The following ZNF106 variants were observed in gnomAD, a reference collection of about 807,000 sequenced individuals.
ZNF106 encodes the protein zinc finger protein 106.
ZNF106 carries 67 observed loss-of-function variants against 195.1 expected under a neutral mutation model. That is an observed-to-expected ratio of 0.34 (90% CI 0.28 to 0.42). ZNF106 has a LOEUF of 0.42. Ranked by LOEUF, ZNF106 falls within the 10% of genes least tolerant of loss-of-function variation. The pLI, the probability that ZNF106 is intolerant of heterozygous loss-of-function variation, is 1.00. For missense variants in ZNF106, 2,118 were observed against 2,304.5 expected (o/e 0.92, Z 1.66); for synonymous variants, 784 against 818.6 (o/e 0.96, Z 0.72).
Position 42,422,621 on chromosome 15 carries a change from C to T in ZNF106, c.5254-1G>A. The T allele has an allele frequency of 6.2e-7, 1 of 1,605,194 alleles. No homozygotes were observed. Among genetic ancestry groups the T allele is most frequent in the Non-Finnish European group, 8.5e-7 (1 of 1,177,334 alleles). On this transcript the variant is annotated splice_acceptor_variant, in intron 17 of 21. Coordinates refer to ENST00000564754, the MANE Select transcript of ZNF106 (RefSeq NM_001366845.3). LOFTEE classifies it high-confidence loss of function. ...TATAGATCCGCACGAGCTCACCAGTCTATGTCAGAAGAGAAGTAAGAGTCA... is the reference window on the plus strand; with the variant it reads ...TATAGATCCGCACGAGCTCACCAGTTTATGTCAGAAGAGAAGTAAGAGTCA...
chr15:42,439,553 C>G lies in ZNF106; in HGVS notation c.4024G>C (p.Glu1342Gln). ...TGGGGTTCCTTCTCCAAAGGGGTTT[C>G]TGAAGCAAAAGACAATCTTAGAAAA... is the stretch of plus-strand genomic sequence containing the variant. ...SSFLRLSFAS[E>Q]TPLEKEPHSP... The change falls in exon 11 of 22, where the codon GAA becomes CAA. Residue 1342 changes from glutamate to glutamine, a missense_variant. Physicochemically the swap from Glu to Gln is conservative, Grantham distance 29. Coordinates refer to ENST00000564754, the MANE Select transcript of ZNF106 (RefSeq NM_001366845.3). 5.0e-6 allele frequency: 8 copies of G among 1,614,192 alleles called. No homozygotes were observed. Among genetic ancestry groups the G allele is most frequent in the Non-Finnish European group, 5.9e-6 (7 of 1,180,040 alleles).
chr15:42,451,941 A>C lies in ZNF106; in HGVS notation c.331T>G (p.Ser111Ala), dbSNP rs767115056. Reference protein sequence around the residue: ...RKEQSRQDEPSNSNQEINSDD... With the variant: ...RKEQSRQDEPANSNQEINSDD... ...GAGTTTATTTCTTGGTTGCTATTGG[A>C]AGGTTCATCTTGTCTGGAAGAAAAA... The change falls in exon 5 of 22, where the codon TCC becomes GCC. Residue 111 changes from serine (S) to alanine (A), a missense_variant. By Grantham distance (99) the Ser-to-Ala change is moderately conservative (BLOSUM62 1). Transcript: ENST00000564754. 2.4e-5 allele frequency: 38 copies of C among 1,609,894 alleles called. No homozygotes were observed. Among genetic ancestry groups the C allele is most frequent in the Non-Finnish European group, 3.1e-5 (36 of 1,178,178 alleles).
Position 42,438,807 on chromosome 15 carries a change from A to C in ZNF106, c.4545-140T>G, listed in dbSNP as rs2055384078. ...TAAGAGATTAGATTTTCCATCTGAA[A>C]TTTCTTAATGAAGGGAAATAAAAGC... On this transcript the variant is annotated intron_variant, in intron 11 of 21. Transcript: ENST00000564754. The C allele has an allele frequency of 6.6e-6, 6 of 913,412 alleles. No individual in the cohort carries two copies. The Admixed American group carries it at 1.7e-4, about 27-fold the overall frequency. 56.6% of individuals were successfully genotyped at this position (913,412 alleles called of 1,614,324 possible).
Position 42,428,107 on chromosome 15 carries a change from G to A in ZNF106, c.4909C>T (p.Leu1637=). 6.2e-7 allele frequency: 1 copy of A among 1,614,050 alleles called. No individual in the cohort carries two copies. Among genetic ancestry groups the A allele is most frequent in the South Asian group, 1.1e-5 (1 of 91,080 alleles). Reference sequence around the variant, plus strand: ...TGGAGGCAGAGGACCCGGTCTTCCAGCTGTAACTGCTCCACACACTCTCGG... The same window carrying A: ...TGGAGGCAGAGGACCCGGTCTTCCAACTGTAACTGCTCCACACACTCTCGG... The part of the protein sequence containing the change: ...KSRECVEQLQ[L]EDRVLCLHSR... The change falls in exon 15 of 22, where the codon CTG becomes TTG. Residue 1637 remains leucine (L), a synonymous_variant. Transcript: ENST00000564754.
chr15:42,450,163 A>G lies in ZNF106; in HGVS notation c.2109T>C (p.Asp703=), dbSNP rs772124101. 2.0e-5 allele frequency: 32 copies of G among 1,614,110 alleles called. No homozygotes were observed. Among genetic ancestry groups the G allele is most frequent in the Non-Finnish European group, 2.6e-5 (31 of 1,180,044 alleles). Residue 703 remains aspartate, a synonymous_variant, in exon 5 of 22, where the codon GAT becomes GAC. Transcript: ENST00000564754. ...AAGATACATGAGATTTAATAGAGTC[A>G]TCAACCTGTGCATCTTCTAGAGAGG... ...LKTSLEDAQV[D]DSIKSHVSYE...
rs2054480987 is a variant in ZNF106 at position 42,416,997 on chromosome 15, A to G, written c.*307T>C. ...ATGATTAGGGTCAAACTGGGTAACC[A>G]ATTAGGATCTGTATCTTCAATAAAC... On this transcript the variant is annotated 3_prime_UTR_variant, in exon 22 of 22. Transcript: ENST00000564754. The G allele has an allele frequency of 4.1e-6, 1 of 244,844 alleles. No homozygotes were observed. Among genetic ancestry groups the G allele is most frequent in the Non-Finnish European group, 7.8e-6 (1 of 128,588 alleles). 15.2% of individuals were successfully genotyped at this position (244,844 alleles called of 1,614,324 possible).
At position 42,415,462 on chromosome 15, in the gene ZNF106, C is replaced by A. The variant is rs1210875327; in HGVS notation, c.*1842G>T. The A allele has an allele frequency of 1.1e-5, 5 of 454,624 alleles. No individual in the cohort carries two copies. Among genetic ancestry groups the A allele is most frequent in the Non-Finnish European group, 2.2e-5 (5 of 226,424 alleles). 28.2% of individuals were successfully genotyped at this position (454,624 alleles called of 1,614,324 possible). ...TGACATTTTTTGGATCAAGTAAGAA[C>A]CACTGGAGCCTTTCCTGGAAAAAAG... is the stretch of plus-strand genomic sequence containing the variant. On this transcript the variant is annotated 3_prime_UTR_variant, in exon 22 of 22. Transcript: ENST00000564754.
rs1294009030 is a variant in ZNF106 at position 42,466,124 on chromosome 15, A to C, written c.55-10T>G. On this transcript the variant is annotated splice_polypyrimidine_tract_variant and intron_variant, in intron 2 of 21. Transcript: ENST00000564754. ...TGTGTTCGTCCATCTCCTTCAAAAT[A>C]AAAGAAAGTAGATTAAAACTAAGCA... 3.1e-5 allele frequency: 48 copies of C among 1,529,064 alleles called. No homozygotes were observed. Among genetic ancestry groups the C allele is most frequent in the Non-Finnish European group, 4.2e-5 (48 of 1,144,140 alleles). The allele number at this position is 1,529,064 out of a possible 1,614,324, so 94.7% of individuals were successfully genotyped here. A position where few individuals can be genotyped will look rare whatever the true frequency, so the allele number is the denominator to read the frequency against.
chr15:42,472,302 T>C lies in ZNF106; in HGVS notation c.-13A>G, dbSNP rs181595350. ...GTTCTCGTACCATAGTGACCAGATC[T>C]GAAGCACTCAACGTCACAGCTGCAA... On this transcript the variant is annotated 5_prime_UTR_variant, in exon 2 of 22. Coordinates refer to ENST00000564754, the MANE Select transcript of ZNF106 (RefSeq NM_001366845.3). 12 of 1,535,290 alleles carry C rather than the reference T, an allele frequency of 7.8e-6. No homozygotes were observed. The East Asian group carries it at 2.7e-4, about 34-fold the overall frequency.
chr15:42,430,599 G>A (rs574809936), intron 14 of ZNF106, among the ~76,000 whole-genome samples: 1 of 151,856 alleles, frequency 6.6e-6, no homozygotes, highest in Non-Finnish European at 1.5e-5. Context: ...TGCCTAGGCT[G>A]TTCTTGAACT....
chr15:42,437,842 G>C (rs1004816227), intron 12 of ZNF106, among the ~76,000 whole-genome samples: 3 of 150,916 alleles, frequency 2.0e-5, no homozygotes, highest in African/African-American at 7.4e-5. Context: ...CAGAGGCAGA[G>C]GTTGCAGTGA....
intron 10 of ZNF106, among the ~76,000 whole-genome samples, chr15:42,441,003 ATATATATATATATATATAT>A (rs2055507382): frequency 1.0e-4 from 1 of 9,764 alleles, no homozygotes; most frequent in Non-Finnish European, 1.6e-4. Flanking sequence ...AAAAAAATAT[ATATATATATATATATATAT>A]ATATATATAT....
chr15:42,442,724 C>G lies in ZNF106; in HGVS notation c.3422-310G>C, dbSNP rs1304629828. Among the ~76,000 whole-genome samples, 4 of 150,284 alleles carry G rather than the reference C, an allele frequency of 2.7e-5. No individual in the cohort carries two copies. The East Asian group carries it at 7.9e-4, about 30-fold the overall frequency. ...CTTGACCTCCTGGACTCAAGCAATTCTCCTGCCTCAGCCTCCCAAGCAGCT... is the reference window on the plus strand; with the variant it reads ...CTTGACCTCCTGGACTCAAGCAATTGTCCTGCCTCAGCCTCCCAAGCAGCT... On this transcript the variant is annotated intron_variant, in intron 9 of 21. Transcript: ENST00000564754.
chr15:42,441,913 T>G (rs112519059), intron 10 of ZNF106, 160 bp downstream of exon 10: 195 of 491,430 alleles, frequency 4.0e-4, no homozygotes, highest in African/African-American at 3.3e-3. Context: ...CTAAAATATT[T>G]TAAAAGAATC....
chr15:42,468,519 C>T (rs999849308), intron 2 of ZNF106, among the ~76,000 whole-genome samples: 3 of 148,752 alleles, frequency 2.0e-5, no homozygotes, highest in East Asian at 4.2e-4. Flanking sequence ...CTGAGGTGGG[C>T]GGATCAAAAG....
chr15:42,484,131 T>C (rs2056960939), intron 1 of ZNF106, among the ~76,000 whole-genome samples: 1 of 152,214 alleles, frequency 6.6e-6, no homozygotes, highest in Non-Finnish European at 1.5e-5. Flanking sequence ...ATCCCCAGTG[T>C]TCTGATCAGC....
chr15:42,474,515 T>C (rs967188147), intron 1 of ZNF106, among the ~76,000 whole-genome samples: 4 of 152,120 alleles, frequency 2.6e-5, no homozygotes, highest in South Asian at 2.1e-4. Flanking sequence ...TCACAGCACC[T>C]TGGGAGGCTG....
chr15:42,413,057 G>C lies in ZNF106; in HGVS notation c.*4247C>G, dbSNP rs1026866656. 6.6e-6 allele frequency: 1 copy of C among 152,152 alleles called. No individual in the cohort carries two copies. The highest frequency in any genetic ancestry group is 1.5e-5 in the Non-Finnish European group (1 of 68,018). The allele number at this position is 152,152 out of a possible 1,614,324, so 9.4% of individuals were successfully genotyped here. A position where few individuals can be genotyped will look rare whatever the true frequency, so the allele number is the denominator to read the frequency against. On this transcript the variant is annotated 3_prime_UTR_variant, in exon 22 of 22. Transcript: ENST00000564754. The stretch of plus-strand genomic sequence containing the variant: ...ATATATTTCTCTTAAATAGGAGAAA[G>C]ATTTTCAACAGCTTTTCCTCCTTGA...
At position 42,414,596 on chromosome 15, in the gene ZNF106, G is replaced by C. The variant is rs1230364167; in HGVS notation, c.*2708C>G. 6.6e-6 allele frequency: 1 copy of C among 152,240 alleles called. No homozygotes were observed. The highest frequency in any genetic ancestry group is 2.4e-5 in the African/African-American group (1 of 41,426). 9.4% of individuals were successfully genotyped at this position (152,240 alleles called of 1,614,324 possible). A position where few individuals can be genotyped will look rare whatever the true frequency, so the allele number is the denominator to read the frequency against. On this transcript the variant is annotated 3_prime_UTR_variant, in exon 22 of 22. Transcript: ENST00000564754. ...CGAAGTCCAAATCAGAGTTCTTACCGATTCTACCACTCTGTAATACTCTCA... is the reference window on the plus strand; with the variant it reads ...CGAAGTCCAAATCAGAGTTCTTACCCATTCTACCACTCTGTAATACTCTCA...
Sources: gnomAD v4.1 joint callset for allele counts (sites outside exome capture counted in the v4.1 genomes callset) on GRCh38, gnomAD v4.1.1 for gene constraint, MANE v1.5 for transcripts, NCBI Gene and HGNC (gene_info 2026-07-23, HGNC 2026-07-21) for gene names.